The following NWD1 variants were observed in gnomAD, a reference collection of about 807,000 sequenced individuals.
The protein encoded by NWD1 is NACHT domain- and WD repeat-containing protein 1.
A neutral mutation model predicts 135.1 loss-of-function variants in NWD1; 129 were observed. The observed-to-expected ratio is 0.96, with a 90% CI of 0.83 to 1.11. The LOEUF is 1.11. Ranked by LOEUF, NWD1 falls within the 50% of genes least tolerant of loss-of-function variation. The probability of loss-of-function intolerance (pLI) is 0.00; values close to 1 mark genes in which losing one functional copy is unlikely to be tolerated. For missense variants in NWD1, 1,740 were observed against 1,851.3 expected (o/e 0.94, Z 1.10); for synonymous variants, 773 against 786.0 (o/e 0.98, Z 0.28).
rs1967546745 is a variant in NWD1, at chr19:16,731,217, G to A, written c.20G>A (p.Cys7Tyr). The change falls in exon 3 of 19, where the codon TGC (cysteine) becomes TAC (tyrosine). Residue 7 changes from cysteine to tyrosine, a missense_variant. By Grantham distance (194) the Cys-to-Tyr change is radical. Transcript: ENST00000524140. The stretch of plus-strand genomic sequence containing the variant: ...ATATGGATGCAGAGAGGGAAGCCCT[G>A]CAGAGCACTGCCTACCCTGAAGTGC... Reference protein sequence around the residue: MQRGKPCRALPTLKCQT... With the variant: MQRGKPYRALPTLKCQT... 6.5e-7 allele frequency: 1 copy of A among 1,534,402 alleles called. No individual in the cohort carries two copies. Among genetic ancestry groups the A allele is most frequent in the Admixed American group, 2.0e-5 (1 of 50,974 alleles).
Position 16,788,991 on chromosome 19 carries a change from G to A in NWD1, c.2741G>A (p.Arg914Lys), listed in dbSNP as rs373158027. 25 of 1,611,384 alleles carry A rather than the reference G, an allele frequency of 1.6e-5. No homozygotes were observed. In the African/African-American group the frequency reaches 3.3e-4, roughly 21 times the overall value. Residue 914 changes from arginine to lysine, a missense_variant, in exon 13 of 19, where the codon AGG becomes AAG. Coordinates refer to ENST00000524140, the MANE Select transcript of NWD1 (RefSeq NM_001007525.5). ...CCCTGGCCTGCTGCAGGAGAGGTGA[G>A]GTGTGTGAAAATATTTGCCAAAGGG... ...HMLTGHTGEVRCVKIFAKGTL... is the reference protein window; with the variant it reads ...HMLTGHTGEVKCVKIFAKGTL...
intron 10 of NWD1, 143 bp downstream of exon 10, chr19:16,765,335 C>T (rs1969184949): frequency 3.4e-6 from 3 of 872,038 alleles, no homozygotes; most frequent in Non-Finnish European, 5.1e-6. Flanking sequence ...CCCAGCAGTG[C>T]TTCTAGAATT....
At position 16,750,159 on chromosome 19, in the gene NWD1, T is replaced by C. The variant is rs766358315; in HGVS notation, c.1517T>C (p.Leu506Pro). The C allele has an allele frequency of 1.2e-6, 2 of 1,613,722 alleles. No homozygotes were observed. Among genetic ancestry groups the C allele is most frequent in the Admixed American group, 3.3e-5 (2 of 59,982 alleles). The change falls in exon 6 of 19, where the codon CTC (leucine) becomes CCC (proline). Residue 506 changes from leucine (L) to proline (P), a missense_variant. Coordinates refer to ENST00000524140, the MANE Select transcript of NWD1 (RefSeq NM_001007525.5). The part of the protein sequence containing the change: ...SGNQGQQMIQ[L>P]LLAAARRTLS... Reference sequence around the variant, plus strand: ...AACCAAGGCCAGCAGATGATCCAACTCCTGCTGGCAGCTGCAAGGAGGACG... The same window carrying C: ...AACCAAGGCCAGCAGATGATCCAACCCCTGCTGGCAGCTGCAAGGAGGACG...
chr19:16,746,655 G>T (rs1968329920), intron 5 of NWD1, among the ~76,000 whole-genome samples: 1 of 149,690 alleles, frequency 6.7e-6, no homozygotes, highest in African/African-American at 2.5e-5. Context: ...CCTGGCAGCA[G>T]AGCAAGACTC....
chr19:16,727,277 C>T (rs1423916644), intron 2 of NWD1: 3 of 152,410 alleles, frequency 2.0e-5, no homozygotes, highest in Admixed American at 1.3e-4. Flanking sequence ...GAGGAGCCAA[C>T]ATCCAGAGGT....
At chr19:16,774,254 A>G (rs1039895537) in intron 11 of NWD1, among the ~76,000 whole-genome samples, 5 of 145,692 alleles carry the variant, frequency 3.4e-5, no homozygotes, top group African/African-American at 1.0e-4. Context: ...TTCATACATC[A>G]GTTGTCCATT....
chr19:16,809,603 G>A (rs867830970), intron 18 of NWD1, among the ~76,000 whole-genome samples: 1 of 144,374 alleles, frequency 6.9e-6, no homozygotes, highest in Middle Eastern at 3.7e-3. Context: ...CACCCAGGCT[G>A]GAGTGCAGTG....
At chr19:16,767,885 T>C (rs559952031) in intron 10 of NWD1, among the ~76,000 whole-genome samples, 2 of 152,192 alleles carry the variant, frequency 1.3e-5, no homozygotes, top group East Asian at 3.9e-4. Flanking sequence ...ATATAAGTGG[T>C]ATTTTACAGT....
chr19:16,784,943 A>C (rs934185815), intron 12 of NWD1, among the ~76,000 whole-genome samples: 8 of 151,684 alleles, frequency 5.3e-5, no homozygotes, highest in East Asian at 3.9e-4. Flanking sequence ...AAAAAAAAAA[A>C]CAACAAAACA....
rs59881448 is a variant in NWD1 at position 16,728,943 on chromosome 19, C to CA, written c.-6-2228dup. The stretch of plus-strand genomic sequence containing the variant: ...TGGGCAACAGAGCATGACTCCATCT[C>CA]AAAAAAAAAAAAAAAAAAAAATAAG... On this transcript the variant is annotated intron_variant, in intron 2 of 18. Transcript: ENST00000524140. Among the ~76,000 whole-genome samples the CA allele has an allele frequency of 2.5e-3, 242 of 98,674 alleles. 1 individual carries two copies. In the East Asian group the frequency reaches 0.027, roughly 11 times the overall value. 64.7% of individuals were successfully genotyped at this position (98,674 alleles called of 152,430 possible). A position where few individuals can be genotyped will look rare whatever the true frequency, so the allele number is the denominator to read the frequency against.
At chr19:16,779,536 A>G in intron 12 of NWD1, 71 bp downstream of exon 12, 1 of 1,437,524 alleles carries the variant, frequency 7.0e-7, no homozygotes, top group Middle Eastern at 1.8e-4. Flanking sequence ...CCCCTTCCCC[A>G]CAGATTCACT....
At chr19:16,720,953 C>T (rs1407612074) in intron 1 of NWD1, among the ~76,000 whole-genome samples, 2 of 152,172 alleles carry the variant, frequency 1.3e-5, no homozygotes, top group South Asian at 2.1e-4. Context: ...CGGGTTCAAG[C>T]GATTCTCCTG....
chr19:16,802,763 G>A (rs1970640576), intron 17 of NWD1, among the ~76,000 whole-genome samples: 1 of 152,052 alleles, frequency 6.6e-6, no homozygotes, highest in Non-Finnish European at 1.5e-5. Flanking sequence ...CACTTTGGGA[G>A]GCCAAGGCAG....
At chr19:16,794,990 C>T (rs2123071277) in intron 15 of NWD1, among the ~76,000 whole-genome samples, 1 of 152,340 alleles carries the variant, frequency 6.6e-6, no homozygotes, top group Non-Finnish European at 1.5e-5. Flanking sequence ...CCATGTTGGC[C>T]AGGCTGGTCT....
At chr19:16,776,307 C>T (rs928212645) in intron 11 of NWD1, among the ~76,000 whole-genome samples, 23 of 152,102 alleles carry the variant, frequency 1.5e-4, no homozygotes, top group Middle Eastern at 3.4e-3. Context: ...TGGTGGCTCA[C>T]GCCTGTAATC....
At chr19:16,765,690 G>A (rs2608731) in intron 10 of NWD1, among the ~76,000 whole-genome samples, 13,762 of 152,048 alleles carry the variant, frequency 0.091, 1,067 homozygotes, top group African/African-American at 0.21. Context: ...TACCAAAGCA[G>A]GGCCCATCCT....
chr19:16,797,444 C>T (rs747925060), intron 15 of NWD1, among the ~76,000 whole-genome samples: 1 of 151,364 alleles, frequency 6.6e-6, no homozygotes, highest in Non-Finnish European at 1.5e-5. Flanking sequence ...AATTCTCCTG[C>T]CTCGGCCTCC....
intron 12 of NWD1, among the ~76,000 whole-genome samples, chr19:16,785,296 G>T (rs1970000043): frequency 6.6e-6 from 1 of 152,096 alleles, no homozygotes; most frequent in Non-Finnish European, 1.5e-5. Context: ...CACATCATTT[G>T]AGGTCAGAAG....
At chr19:16,800,874 C>G (rs1970583739) in intron 17 of NWD1, among the ~76,000 whole-genome samples, 1 of 152,152 alleles carries the variant, frequency 6.6e-6, no homozygotes, top group African/African-American at 2.4e-5. Flanking sequence ...GTGGCTTAAA[C>G]CTATAATCAC....
Sources: gnomAD v4.1 joint callset for allele counts (sites outside exome capture counted in the v4.1 genomes callset) on GRCh38, gnomAD v4.1.1 for gene constraint, MANE v1.5 for transcripts, NCBI Gene and HGNC (gene_info 2026-07-23, HGNC 2026-07-21) for gene names.